Variants in AGAP1 observed in about 807,000 individuals in gnomAD.
AGAP1 encodes ArfGAP with GTPase domain, ankyrin repeat and PH domain 1.
In AGAP1, 29 loss-of-function variants were observed where a neutral mutation model predicts 105.3. The ratio of observed to expected loss-of-function variants is 0.28; its 90% CI spans 0.21 to 0.38. The LOEUF (loss-of-function observed/expected upper bound fraction) is 0.38. Among genes scored for constraint, AGAP1 ranks in the 10% least tolerant of loss-of-function variants. The pLI, the probability that AGAP1 is intolerant of heterozygous loss-of-function variation, is 1.00. For synonymous variants in AGAP1, 509 were observed against 485.9 expected (o/e 1.05, Z -0.63); for missense variants, 998 against 1,165.1 (o/e 0.86, Z 2.09).
At chr2:235,735,736 C>T (rs1048099636) in intron 3 of AGAP1, among the ~76,000 whole-genome samples, 3 of 151,992 alleles carry the variant, frequency 2.0e-5, no homozygotes, top group African/African-American at 4.8e-5. Context: ...ATTAAGACCT[C>T]GACTCGCTTA....
At chr2:235,738,668 C>T (rs780574599) in intron 3 of AGAP1, among the ~76,000 whole-genome samples, 6 of 151,858 alleles carry the variant, frequency 4.0e-5, no homozygotes, top group Admixed American at 3.9e-4. Context: ...AGCAATTCTC[C>T]TGTCTCAGCC....
At chr2:235,503,040 C>T (rs909158611) in intron 1 of AGAP1, among the ~76,000 whole-genome samples, 1 of 152,156 alleles carries the variant, frequency 6.6e-6, no homozygotes, top group Non-Finnish European at 1.5e-5. Flanking sequence ...AATTTATGAA[C>T]ACCTGCAACA....
chr2:236,014,587 G>C lies in AGAP1; in HGVS notation c.1646-21974G>C. 6.6e-6 allele frequency among the ~76,000 whole-genome samples: 1 copy of C among 152,166 alleles called. No homozygotes were observed. ...CGTTAGATGCAATCCTGATGACCCT[G>C]CTCCACCTCTGCCCTTCCTGAGTTC... On this transcript the variant is annotated intron_variant, in intron 13 of 17. Transcript: ENST00000304032. The surrounding 1 kb of genome is among the most constrained non-coding windows in gnomAD (Gnocchi z 6.3).
At chr2:235,510,524 A>G (rs1942025674) in intron 1 of AGAP1, among the ~76,000 whole-genome samples, 1 of 152,192 alleles carries the variant, frequency 6.6e-6, no homozygotes, top group Admixed American at 6.5e-5. Flanking sequence ...GCAAGTCTTC[A>G]TATGGGCACG....
In AGAP1 at chr2:236,040,467, A is replaced by C; in HGVS notation, c.1801-284A>C. 2.0e-6 allele frequency: 1 copy of C among 499,674 alleles called. No homozygotes were observed. 31.0% of individuals were successfully genotyped at this position (499,674 alleles called of 1,614,324 possible). On this transcript the variant is annotated intron_variant, in intron 14 of 17. Coordinates refer to ENST00000304032, the MANE Select transcript of AGAP1 (RefSeq NM_001037131.3). This position sits in a 1 kb window ranked among gnomAD's most constrained non-coding sequence, Gnocchi z 5.6. ...CTCCAGGTTACCATGGTCCATGCGTATTCACAGATGATCCAGAACTCTCCT... is the reference window on the plus strand; with the variant it reads ...CTCCAGGTTACCATGGTCCATGCGTCTTCACAGATGATCCAGAACTCTCCT...
intron 6 of AGAP1, among the ~76,000 whole-genome samples, chr2:235,790,135 G>A (rs575035666): frequency 5.9e-5 from 9 of 152,242 alleles, no homozygotes; most frequent in Non-Finnish European, 1.3e-4. Flanking sequence ...GCCTCTTCTA[G>A]AACAAGGATA....
intron 1 of AGAP1, among the ~76,000 whole-genome samples, chr2:235,661,089 G>C (rs1316913120): frequency 6.6e-6 from 1 of 152,186 alleles, no homozygotes; most frequent in African/African-American, 2.4e-5. Context: ...GGTTTACTGA[G>C]AGTAGGCTAC....
Position 235,958,212 on chromosome 2 carries a change from G to A in AGAP1, c.1484-10250G>A, listed in dbSNP as rs186805001. ...TGCCTGCTCCTAGCAAATTCGTGGC[G>A]TGCCCCTCATCAAACTACGTCCCCT... On this transcript the variant is annotated intron_variant, in intron 12 of 17. Transcript: ENST00000304032. This position sits in a 1 kb window ranked among gnomAD's most constrained non-coding sequence, Gnocchi z 4.1. 1.8e-4 allele frequency among the ~76,000 whole-genome samples: 28 copies of A among 152,198 alleles called. 1 individual carries two copies. In the East Asian group the frequency reaches 4.5e-3, roughly 24 times the overall value.
At chr2:235,972,226 T>C (rs1308324667) in intron 13 of AGAP1, among the ~76,000 whole-genome samples, 1 of 152,220 alleles carries the variant, frequency 6.6e-6, no homozygotes, top group Non-Finnish European at 1.5e-5. Flanking sequence ...AAAACTTCTA[T>C]AGAAGATTTG....
At position 235,709,325 on chromosome 2, in the gene AGAP1, G is replaced by A. The variant is rs994068665; in HGVS notation, c.222+88G>A. On this transcript the variant is annotated intron_variant, in intron 2 of 17. Transcript: ENST00000304032. ...CTGCATTCCCAGGCAACTGGTCATC[G>A]CCTGGGGCCCAGAGTGGAAGTGTGA... is the stretch of plus-strand genomic sequence containing the variant. The A allele has an allele frequency of 1.8e-5, 26 of 1,440,544 alleles. 1 individual carries two copies. Among genetic ancestry groups the A allele is most frequent in the South Asian group, 1.4e-4 (12 of 87,500 alleles). 89.2% of individuals were successfully genotyped at this position (1,440,544 alleles called of 1,614,324 possible).
chr2:236,118,764 G>A (rs545631270), intron 16 of AGAP1, among the ~76,000 whole-genome samples: 2 of 152,172 alleles, frequency 1.3e-5, no homozygotes, highest in South Asian at 4.2e-4. Flanking sequence ...TGGGATCCTT[G>A]TAAAATTTCA....
At chr2:236,086,000 G>A (rs1209578082) in intron 16 of AGAP1, among the ~76,000 whole-genome samples, 1 of 152,234 alleles carries the variant, frequency 6.6e-6, no homozygotes, top group African/African-American at 2.4e-5. Flanking sequence ...GCCTGGGAGC[G>A]GGACAGGATC....
Position 235,494,742 on chromosome 2 carries a change from G to A in AGAP1, c.56G>A (p.Arg19His). 6.4e-7 allele frequency: 1 copy of A among 1,570,232 alleles called. No homozygotes were observed. Among genetic ancestry groups the A allele is most frequent in the Non-Finnish European group, 8.6e-7 (1 of 1,158,436 alleles). ...NSAAIRAEIQ[R>H]FESVHPNIYS... ...GCTGCCATCCGGGCCGAGATCCAGC[G>A]CTTCGAGTCGGTCCACCCCAACATC... The change falls in exon 1 of 18, where the codon CGC becomes CAC. Residue 19 changes from arginine (R) to histidine (H), a missense_variant. By Grantham distance (29) the Arg-to-His change is conservative. Coordinates refer to ENST00000304032, the MANE Select transcript of AGAP1 (RefSeq NM_001037131.3).
At chr2:235,561,875 C>A (rs1269592908) in intron 1 of AGAP1, among the ~76,000 whole-genome samples, 1 of 152,146 alleles carries the variant, frequency 6.6e-6, no homozygotes, top group Non-Finnish European at 1.5e-5. Context: ...TTTCTTTATA[C>A]CCTTCCCAGT....
intron 2 of AGAP1, among the ~76,000 whole-genome samples, chr2:235,717,296 A>C (rs1951165265): frequency 6.6e-6 from 1 of 152,232 alleles, no homozygotes; most frequent in Admixed American, 6.5e-5. Flanking sequence ...GTTTTCTGGA[A>C]GAATGCCAAA....
chr2:236,072,129 T>G (rs1413700139), intron 16 of AGAP1, among the ~76,000 whole-genome samples: 3 of 146,478 alleles, frequency 2.0e-5, no homozygotes, highest in Non-Finnish European at 3.0e-5. Context: ...TTGTGGGTTT[T>G]TTTTTTTTTT....
At chr2:235,534,939 T>G (rs1434266951) in intron 1 of AGAP1, among the ~76,000 whole-genome samples, 2 of 152,026 alleles carry the variant, frequency 1.3e-5, no homozygotes, top group Non-Finnish European at 2.9e-5. Flanking sequence ...TTTCTGTAAA[T>G]AGTGTCACTC....
chr2:235,556,378 G>C lies in AGAP1; in HGVS notation c.163+61529G>C, dbSNP rs931381307. On this transcript the variant is annotated intron_variant, in intron 1 of 17. Transcript: ENST00000304032. This position sits in a 1 kb window ranked among gnomAD's most constrained non-coding sequence, Gnocchi z 5.3. ...TCCAGTGGCTACAGAAGAGAGAGGA[G>C]GGACACTGACCCCAAGGCCCAGGCC... 2.6e-5 allele frequency among the ~76,000 whole-genome samples: 4 copies of C among 152,250 alleles called. No individual in the cohort carries two copies. The highest frequency in any genetic ancestry group is 2.4e-5 in the African/African-American group (1 of 41,472).
rs1949723850 is a variant in AGAP1 at position 235,691,286 on chromosome 2, A to G, written c.164-17893A>G. Among the ~76,000 whole-genome samples, 2 of 152,216 alleles carry G rather than the reference A, an allele frequency of 1.3e-5. No individual in the cohort carries two copies. The highest frequency in any genetic ancestry group is 4.8e-5 in the African/African-American group (2 of 41,452). On this transcript the variant is annotated intron_variant, in intron 1 of 17. Transcript: ENST00000304032. This position sits in a 1 kb window ranked among gnomAD's most constrained non-coding sequence, Gnocchi z 4.4. ...CCCCAGGACTGTCATATCCAGGGAA[A>G]GGTCACTCTCTGGCAGTGGATGCTA...
Sources: allele counts gnomAD v4.1 joint callset (sites outside exome capture counted in the v4.1 genomes callset), GRCh38; gene constraint gnomAD v4.1.1; non-coding constraint Gnocchi (gnomAD v3.1); transcripts MANE v1.5; gene names NCBI Gene and HGNC (gene_info 2026-07-23, HGNC 2026-07-21).